RIMBP2: variants seen among roughly 807,000 people sequenced by gnomAD.
RIMBP2 encodes the protein RIMS-binding protein 2.
RIMBP2 carries 48 observed loss-of-function variants against 118.6 expected under a neutral mutation model. The observed-to-expected ratio is 0.40, with a 90% CI of 0.32 to 0.51. The LOEUF (loss-of-function observed/expected upper bound fraction) is 0.51. Among genes scored for constraint, RIMBP2 ranks in the 20% least tolerant of loss-of-function variants. RIMBP2 has a pLI of 0.41. For synonymous variants in RIMBP2, 762 were observed against 742.9 expected (o/e 1.03, Z -0.42); for missense variants, 1,551 against 1,768.3 (o/e 0.88, Z 2.20).
intron 4 of RIMBP2, among the ~76,000 whole-genome samples, chr12:130,490,975 A>G (rs2048588546): frequency 6.6e-6 from 1 of 152,080 alleles, no homozygotes; most frequent in Non-Finnish European, 1.5e-5. Context: ...AACAATCAAA[A>G]CCCACGTTAG....
rs937355113 is a variant in RIMBP2, at chr12:130,424,967, C to T, written c.2413-109G>A. ...CAGACAGAATTAGTCCTGGAGGCACCGAGGGGGGGGAAGCATGCGTCTACT... is the reference window on the plus strand; with the variant it reads ...CAGACAGAATTAGTCCTGGAGGCACTGAGGGGGGGGAAGCATGCGTCTACT... On this transcript the variant is annotated intron_variant, in intron 15 of 22. Transcript: ENST00000690449. The surrounding 1 kb of genome is among the most constrained non-coding windows in gnomAD (Gnocchi z 9.8). The T allele has an allele frequency of 7.0e-6, 4 of 573,998 alleles. No individual in the cohort carries two copies. The highest frequency in any genetic ancestry group is 9.7e-5 in the South Asian group (1 of 10,356). 35.6% of individuals were successfully genotyped at this position (573,998 alleles called of 1,614,324 possible). A position where few individuals can be genotyped will look rare whatever the true frequency, so the allele number is the denominator to read the frequency against.
chr12:130,398,078 T>A (rs1281867742), intron 22 of RIMBP2: 1 of 152,556 alleles, frequency 6.6e-6, no homozygotes, highest in African/African-American at 2.4e-5. Context: ...TTAATTATAA[T>A]CAAAGAAAGC....
intron 2 of RIMBP2, among the ~76,000 whole-genome samples, chr12:130,585,023 G>A (rs2058791810): frequency 2.0e-5 from 3 of 152,068 alleles, no homozygotes; most frequent in African/African-American, 7.2e-5. Flanking sequence ...TAGCTAGAAT[G>A]ACAGATGTAC....
At chr12:130,512,867 G>A (rs1440002707) in intron 3 of RIMBP2, among the ~76,000 whole-genome samples, 1 of 152,080 alleles carries the variant, frequency 6.6e-6, no homozygotes, top group Non-Finnish European at 1.5e-5. Flanking sequence ...ATTTTTTTTA[G>A]AGAATAATAT....
At chr12:130,502,509 T>A (rs1266383741) in intron 4 of RIMBP2, among the ~76,000 whole-genome samples, 1 of 151,800 alleles carries the variant, frequency 6.6e-6, no homozygotes, top group Admixed American at 6.6e-5. Flanking sequence ...CCCTCTGCAC[T>A]CCCCCTGCCT....
chr12:130,467,976 G>A (rs1450744282), intron 6 of RIMBP2, among the ~76,000 whole-genome samples: 2 of 152,146 alleles, frequency 1.3e-5, no homozygotes, highest in African/African-American at 2.4e-5. Context: ...ATCCTATCTA[G>A]GCGCCCTCTA....
chr12:130,647,339 G>C (rs1025698760), intron 1 of RIMBP2, among the ~76,000 whole-genome samples: 1 of 152,128 alleles, frequency 6.6e-6, no homozygotes, highest in African/African-American at 2.4e-5. Context: ...CTCCAGCCTA[G>C]GTGACAAAGC....
chr12:130,509,670 C>T (rs2050706854), intron 3 of RIMBP2, among the ~76,000 whole-genome samples: 1 of 152,102 alleles, frequency 6.6e-6, no homozygotes, highest in Non-Finnish European at 1.5e-5. Flanking sequence ...TGGCCCCCGG[C>T]CTCTGCTGGT....
At chr12:130,542,537 G>C (rs2054713339) in intron 2 of RIMBP2, among the ~76,000 whole-genome samples, 1 of 152,228 alleles carries the variant, frequency 6.6e-6, no homozygotes, top group South Asian at 2.1e-4. Flanking sequence ...AAGAGGGTGG[G>C]AGATGAGGGA....
chr12:130,434,879 A>G lies in RIMBP2; in HGVS notation c.2108T>C (p.Leu703Ser), dbSNP rs748817911. 45 of 1,603,116 alleles carry G rather than the reference A, an allele frequency of 2.8e-5. No homozygotes were observed. The Admixed American group carries it at 6.6e-4, about 24-fold the overall frequency. Reference sequence around the variant, plus strand: ...CTCTAGGAAGACGCTCCTTTTCTCTAACTTGGAAAGAAAAAGGAGGCACAC... The same window carrying G: ...CTCTAGGAAGACGCTCCTTTTCTCTGACTTGGAAAGAAAAAGGAGGCACAC... ...AAQRVAESSR[L>S]EKRSVFLERS... Residue 703 changes from leucine (L) to serine (S), a missense_variant and splice_region_variant, in exon 14 of 23, where the codon TTA (leucine) becomes TCA (serine). By Grantham distance (145) the Leu-to-Ser change is moderately radical (BLOSUM62 -2). This residue lies in a region of RIMBP2 where 1,038 missense variants were observed against 1,125.1 expected (regional missense o/e 0.92). Transcript: ENST00000690449. This position sits in a 1 kb window ranked among gnomAD's most constrained non-coding sequence, Gnocchi z 5.7.
chr12:130,654,448 GACC>G (rs1318692433), intron 1 of RIMBP2, among the ~76,000 whole-genome samples: 1 of 152,186 alleles, frequency 6.6e-6, no homozygotes, highest in Non-Finnish European at 1.5e-5. Flanking sequence ...TTCCAGCTGA[GACC>G]ACATCAGCCT....
intron 2 of RIMBP2, among the ~76,000 whole-genome samples, chr12:130,562,031 C>A (rs941229974): frequency 8.6e-5 from 13 of 152,020 alleles, no homozygotes; most frequent in Non-Finnish European, 1.3e-4. Context: ...AATGACATTA[C>A]CTTTGATCTG....
In RIMBP2 at chr12:130,445,325, C is replaced by T. The variant is rs182770724; in HGVS notation, c.582-56G>A. On this transcript the variant is annotated intron_variant, in intron 9 of 22. Coordinates refer to ENST00000690449, the MANE Select transcript of RIMBP2 (RefSeq NM_001393629.1). Reference sequence around the variant, plus strand: ...GGCTCTGGAGGACACAGCCCGCACCCCTGTCCGTGCAGAACGCCAGACGGG... The same window carrying T: ...GGCTCTGGAGGACACAGCCCGCACCTCTGTCCGTGCAGAACGCCAGACGGG... 5.5e-4 allele frequency: 697 copies of T among 1,276,096 alleles called. 3 individuals are homozygous for T. Among genetic ancestry groups the T allele is most frequent in the South Asian group, 1.8e-3 (135 of 73,992 alleles). The allele number at this position is 1,276,096 out of a possible 1,614,324, so 79.0% of individuals were successfully genotyped here.
Position 130,578,459 on chromosome 12 carries a change from G to C in RIMBP2, c.-217+49863C>G, listed in dbSNP as rs2058240057. Among the ~76,000 whole-genome samples, 1 of 152,104 alleles carries C rather than the reference G, an allele frequency of 6.6e-6. No homozygotes were observed. The highest frequency in any genetic ancestry group is 6.5e-5 in the Admixed American group (1 of 15,270). Reference sequence around the variant, plus strand: ...GCCCCTGCCTCACCTGTCCAACCTCGCCTTGACCTGACTCTCCAGCTGCAT... The same window carrying C: ...GCCCCTGCCTCACCTGTCCAACCTCCCCTTGACCTGACTCTCCAGCTGCAT... On this transcript the variant is annotated intron_variant, in intron 2 of 22. Coordinates refer to ENST00000690449, the MANE Select transcript of RIMBP2 (RefSeq NM_001393629.1). This position sits in a 1 kb window ranked among gnomAD's most constrained non-coding sequence, Gnocchi z 4.1.
In RIMBP2 at chr12:130,434,288, C is replaced by T. The variant is rs1156339286; in HGVS notation, c.2253+446G>A. Among the ~76,000 whole-genome samples the T allele has an allele frequency of 1.3e-5, 2 of 152,190 alleles. No homozygotes were observed. Among genetic ancestry groups the T allele is most frequent in the East Asian group, 3.9e-4 (2 of 5,190 alleles). Reference sequence around the variant, plus strand: ...TGGCTGAATGTCTTCCTCATGAGCCCAGCTCTGCCGTTTTGCTGTTCTGAA... The same window carrying T: ...TGGCTGAATGTCTTCCTCATGAGCCTAGCTCTGCCGTTTTGCTGTTCTGAA... On this transcript the variant is annotated intron_variant, in intron 14 of 22. Transcript: ENST00000690449. The surrounding 1 kb of genome is among the most constrained non-coding windows in gnomAD (Gnocchi z 5.7).
intron 2 of RIMBP2, among the ~76,000 whole-genome samples, chr12:130,566,537 G>C (rs565381365): frequency 1.3e-5 from 2 of 152,294 alleles, no homozygotes; most frequent in Admixed American, 1.3e-4. Flanking sequence ...ACAGCCTATG[G>C]AGAGGTCCAT....
rs186459203 is a variant in RIMBP2, at chr12:130,664,388, T to C, written c.-351-35932A>G. 1.2e-3 allele frequency among the ~76,000 whole-genome samples: 130 copies of C among 105,930 alleles called. 5 individuals are homozygous for C. The highest frequency in any genetic ancestry group is 1.6e-3 in the African/African-American group (49 of 30,644). 69.5% of individuals were successfully genotyped at this position (105,930 alleles called of 152,430 possible). A position where few individuals can be genotyped will look rare whatever the true frequency, so the allele number is the denominator to read the frequency against. ...ATGCACGTGCATGCACGCACGCGCATGCACACACACGCACGCACGCACGCA... is the reference window on the plus strand; with the variant it reads ...ATGCACGTGCATGCACGCACGCGCACGCACACACACGCACGCACGCACGCA... On this transcript the variant is annotated intron_variant, in intron 1 of 22. Transcript: ENST00000690449.
chr12:130,517,550 G>A (rs918771348), intron 3 of RIMBP2, among the ~76,000 whole-genome samples: 1 of 152,090 alleles, frequency 6.6e-6, no homozygotes, highest in African/African-American at 2.4e-5. Context: ...AGTGGTTTGG[G>A]AGAGTGGGCA....
At chr12:130,568,699 T>C (rs542188084) in intron 2 of RIMBP2, among the ~76,000 whole-genome samples, 1 of 152,328 alleles carries the variant, frequency 6.6e-6, no homozygotes, top group African/African-American at 2.4e-5. Context: ...CTTTGAGACA[T>C]CTGTTGAAAA....
Sources: allele counts gnomAD v4.1 joint callset (sites outside exome capture counted in the v4.1 genomes callset), GRCh38; gene constraint gnomAD v4.1.1; regional missense constraint gnomAD v4.1.1; non-coding constraint Gnocchi (gnomAD v3.1); transcripts MANE v1.5; gene names NCBI Gene and HGNC (gene_info 2026-07-23, HGNC 2026-07-21).